NEDD4L: variants seen among roughly 807,000 people sequenced by gnomAD.
NEDD4L encodes the protein E3 ubiquitin-protein ligase NEDD4-like.
In NEDD4L, 54 loss-of-function variants were observed where a neutral mutation model predicts 148.9. The observed-to-expected ratio is 0.36, with a 90% CI of 0.29 to 0.45. NEDD4L has a LOEUF of 0.45. NEDD4L is among the 20% of genes least tolerant of loss of function. NEDD4L has a pLI of 1.00. For synonymous variants in NEDD4L, 433 were observed against 440.7 expected (o/e 0.98, Z 0.22); for missense variants, 856 against 1,233.8 (o/e 0.69, Z 4.59).
chr18:58,276,693 A>ATC (rs201915843), intron 5 of NEDD4L, among the ~76,000 whole-genome samples: 56 of 135,452 alleles, frequency 4.1e-4, no homozygotes, highest in African/African-American at 1.7e-3. Flanking sequence ...TAATAATAAT[A>ATC]ATATTATTAT....
chr18:58,138,120 G>A (rs1237302981), intron 1 of NEDD4L, among the ~76,000 whole-genome samples: 1 of 152,140 alleles, frequency 6.6e-6, no homozygotes, highest in East Asian at 1.9e-4. Flanking sequence ...TCTCTTTGAT[G>A]GCTCCTCTCT....
At chr18:58,195,862 T>G (rs1337722252) in intron 2 of NEDD4L, 2 of 473,628 alleles carry the variant, frequency 4.2e-6, no homozygotes, top group African/African-American at 4.0e-5. Context: ...TTATTTGAAC[T>G]TGCTTGCTTT....
chr18:58,167,016 A>T (rs1231282537), intron 2 of NEDD4L, among the ~76,000 whole-genome samples: 2 of 152,210 alleles, frequency 1.3e-5, no homozygotes, highest in East Asian at 3.8e-4. Context: ...AGCAATTGTT[A>T]AGTTACTAAA....
intron 2 of NEDD4L, among the ~76,000 whole-genome samples, chr18:58,230,153 T>C (rs1350454892): frequency 1.3e-5 from 2 of 152,136 alleles, no homozygotes; most frequent in Non-Finnish European, 2.9e-5. Context: ...AAATGTGAAC[T>C]CCCCTTTCAG....
chr18:58,293,082 C>T (rs2054999553), intron 5 of NEDD4L, among the ~76,000 whole-genome samples: 1 of 152,100 alleles, frequency 6.6e-6, no homozygotes, highest in Admixed American at 6.6e-5. Flanking sequence ...TCGTAATGTC[C>T]AGGAATTTGA....
chr18:58,305,724 T>C (rs2056980076), intron 5 of NEDD4L, among the ~76,000 whole-genome samples: 1 of 152,210 alleles, frequency 6.6e-6, no homozygotes, highest in Non-Finnish European at 1.5e-5. Context: ...AAAATACATA[T>C]AATCTTTGGT....
intron 5 of NEDD4L, among the ~76,000 whole-genome samples, chr18:58,300,159 A>G (rs2056273778): frequency 6.6e-6 from 1 of 152,204 alleles, no homozygotes; most frequent in African/African-American, 2.4e-5. Context: ...TTTGTAACAC[A>G]GGGAGAGATA....
intron 1 of NEDD4L, among the ~76,000 whole-genome samples, chr18:58,102,738 A>T (rs1240282926): frequency 6.6e-6 from 1 of 152,228 alleles, no homozygotes; most frequent in African/African-American, 2.4e-5. Context: ...TTTAAAGTAT[A>T]TGAGAGGGTG....
At chr18:58,387,029 T>A (rs1317655906) in intron 26 of NEDD4L, among the ~76,000 whole-genome samples, 1 of 152,188 alleles carries the variant, frequency 6.6e-6, no homozygotes, top group Non-Finnish European at 1.5e-5. Flanking sequence ...GCACAGTGTC[T>A]GCACCCATCA....
intron 2 of NEDD4L, among the ~76,000 whole-genome samples, chr18:58,201,884 G>C (rs1265169451): frequency 6.6e-6 from 1 of 152,116 alleles, no homozygotes; most frequent in Non-Finnish European, 1.5e-5. Flanking sequence ...GAATTCCCTT[G>C]TCTTTTTATA....
chr18:58,365,797 T>A (rs2046044607), intron 20 of NEDD4L, among the ~76,000 whole-genome samples: 1 of 152,186 alleles, frequency 6.6e-6, no homozygotes, highest in Admixed American at 6.5e-5. Context: ...CGCTAGTGGA[T>A]GCCGTGTGTC....
intron 1 of NEDD4L, among the ~76,000 whole-genome samples, chr18:58,148,052 T>G (rs1159795974): frequency 2.0e-5 from 3 of 152,056 alleles, no homozygotes; most frequent in Non-Finnish European, 4.4e-5. Flanking sequence ...CCCCCCCTTT[T>G]TTTTTTGGTC....
chr18:58,067,203 T>C (rs1400896915), intron 1 of NEDD4L, among the ~76,000 whole-genome samples: 2 of 152,168 alleles, frequency 1.3e-5, no homozygotes, highest in East Asian at 3.9e-4. Flanking sequence ...TGGTTTATGA[T>C]TTTGGTCAGT....
chr18:58,389,241 T>C lies in NEDD4L; in HGVS notation c.2655+49T>C, dbSNP rs185847150. The C allele has an allele frequency of 1.7e-4, 239 of 1,387,798 alleles. 2 individuals carry two copies. In the African/African-American group the frequency reaches 2.9e-3, roughly 17 times the overall value. The allele number at this position is 1,387,798 out of a possible 1,614,324, so 86.0% of individuals were successfully genotyped here. A position where few individuals can be genotyped will look rare whatever the true frequency, so the allele number is the denominator to read the frequency against. ...CCGGTGTCCTCCACCTGAGGCAGGA[T>C]TGAGGGCTGTGTGGCGCCCTCCATT... On this transcript the variant is annotated intron_variant, in intron 28 of 30. Coordinates refer to ENST00000400345, the MANE Select transcript of NEDD4L (RefSeq NM_001144967.3).
At chr18:58,294,651 A>G (rs2055288128) in intron 5 of NEDD4L, among the ~76,000 whole-genome samples, 1 of 151,294 alleles carries the variant, frequency 6.6e-6, no homozygotes. Context: ...AGGTAAAAGG[A>G]GTTGAAGTGA....
intron 26 of NEDD4L, among the ~76,000 whole-genome samples, chr18:58,386,477 C>T (rs777532084): frequency 6.6e-6 from 1 of 152,176 alleles, no homozygotes; most frequent in Admixed American, 6.5e-5. Context: ...TATACCCAGC[C>T]ACCTCATGAC....
intron 2 of NEDD4L, among the ~76,000 whole-genome samples, chr18:58,239,592 A>C (rs1005482086): frequency 1.3e-5 from 2 of 152,238 alleles, no homozygotes; most frequent in African/African-American, 2.4e-5. Flanking sequence ...GTGTGAAAGA[A>C]CATGGAACAC....
rs8097251 is a variant in NEDD4L, at chr18:58,366,460, A to G, written c.2063+232A>G. 2,781 of 381,612 alleles carry G rather than the reference A, an allele frequency of 7.3e-3. 58 individuals carry two copies. The highest frequency in any genetic ancestry group is 0.047 in the African/African-American group (2,270 of 48,650). The allele number at this position is 381,612 out of a possible 1,614,324, so 23.6% of individuals were successfully genotyped here. On this transcript the variant is annotated intron_variant, in intron 21 of 30. Coordinates refer to ENST00000400345, the MANE Select transcript of NEDD4L (RefSeq NM_001144967.3). This position sits in a 1 kb window ranked among gnomAD's most constrained non-coding sequence, Gnocchi z 4.2. Reference sequence around the variant, plus strand: ...ATTTTTTTTCTTGTCTATTGGGTTCATGGAGTTGAAATTGAAAACGTGGAT... The same window carrying G: ...ATTTTTTTTCTTGTCTATTGGGTTCGTGGAGTTGAAATTGAAAACGTGGAT...
At chr18:58,163,628 A>G (rs1253540280) in intron 1 of NEDD4L, among the ~76,000 whole-genome samples, 2 of 152,224 alleles carry the variant, frequency 1.3e-5, no homozygotes, top group African/African-American at 4.8e-5. Flanking sequence ...GCCATGTTTG[A>G]AAGAACATTG....
Sources: gnomAD v4.1 joint callset for allele counts (sites outside exome capture counted in the v4.1 genomes callset) on GRCh38, gnomAD v4.1.1 for gene constraint, Gnocchi (gnomAD v3.1) non-coding constraint, MANE v1.5 for transcripts, NCBI Gene and HGNC (gene_info 2026-07-23, HGNC 2026-07-21) for gene names.